PTPRD: variants seen among roughly 807,000 people sequenced by gnomAD.
The protein encoded by PTPRD is receptor-type tyrosine-protein phosphatase delta.
In PTPRD, 34 loss-of-function variants were observed where a neutral mutation model predicts 214.5. The ratio of observed to expected loss-of-function variants is 0.16; its 90% CI spans 0.12 to 0.21. The LOEUF (loss-of-function observed/expected upper bound fraction) is 0.21, where lower values mean the gene tolerates loss of function less well. Ranked by LOEUF, PTPRD falls within the 10% of genes least tolerant of loss-of-function variation. The pLI, the probability that PTPRD is intolerant of heterozygous loss-of-function variation, is 1.00. For missense variants in PTPRD, 2,545 were observed against 2,398.7 expected (o/e 1.06, Z -1.27); for synonymous variants, 1,128 against 845.7 (o/e 1.33, Z -5.79).
At chr9:9,979,474 T>C (rs2095468957) in intron 4 of PTPRD, among the ~76,000 whole-genome samples, 1 of 152,022 alleles carries the variant, frequency 6.6e-6, no homozygotes, top group South Asian at 2.1e-4. Context: ...TCAATAAATA[T>C]ACTCTTATTT....
At chr9:8,415,762 T>C (rs10815860) in intron 35 of PTPRD, among the ~76,000 whole-genome samples, 47,250 of 151,906 alleles carry the variant, frequency 0.31, 7,674 homozygotes, top group Non-Finnish European at 0.36. Context: ...GGGAGGACGA[T>C]GACCATGAAA....
At chr9:10,227,202 T>A (rs16925554) in intron 3 of PTPRD, among the ~76,000 whole-genome samples, 2 of 151,940 alleles carry the variant, frequency 1.3e-5, no homozygotes, top group Non-Finnish European at 2.9e-5. Flanking sequence ...TTACTATTAC[T>A]GTCATCTCCG....
At chr9:10,409,818 C>G (rs951181579) in intron 2 of PTPRD, among the ~76,000 whole-genome samples, 12 of 151,636 alleles carry the variant, frequency 7.9e-5, no homozygotes, top group African/African-American at 2.7e-4. Context: ...GATCTAAGGC[C>G]TCTTACTAAC....
At chr9:8,745,839 C>A (rs1335840975) in intron 11 of PTPRD, among the ~76,000 whole-genome samples, 1 of 151,386 alleles carries the variant, frequency 6.6e-6, no homozygotes, top group Non-Finnish European at 1.5e-5. Context: ...GTTCTGTCGC[C>A]CAGGCTGGAG....
intron 3 of PTPRD, among the ~76,000 whole-genome samples, chr9:10,258,447 G>A (rs1433212421): frequency 4.6e-5 from 7 of 152,118 alleles, no homozygotes; most frequent in South Asian, 2.1e-4. Flanking sequence ...ATAATATCTC[G>A]GAGTGCTGAC....
chr9:8,581,179 C>T (rs2093041936), intron 14 of PTPRD, among the ~76,000 whole-genome samples: 1 of 151,252 alleles, frequency 6.6e-6, no homozygotes, highest in Non-Finnish European at 1.5e-5. Flanking sequence ...GCTGTAGATG[C>T]CTTAGGAATA....
intron 3 of PTPRD, among the ~76,000 whole-genome samples, chr9:10,049,611 A>G (rs911445370): frequency 6.6e-6 from 1 of 152,192 alleles, no homozygotes; most frequent in Non-Finnish European, 1.5e-5. Context: ...TTAATTTGCT[A>G]TATATACTAT....
At chr9:10,147,175 G>T (rs1423282282) in intron 3 of PTPRD, among the ~76,000 whole-genome samples, 1 of 152,104 alleles carries the variant, frequency 6.6e-6, no homozygotes, top group African/African-American at 2.4e-5. Flanking sequence ...TGTTGTCCGT[G>T]CAGTGCAAAG....
intron 2 of PTPRD, among the ~76,000 whole-genome samples, chr9:10,421,078 A>G (rs1443620671): frequency 1.3e-5 from 2 of 151,922 alleles, no homozygotes; most frequent in South Asian, 4.1e-4. Context: ...GCTTAAAAAA[A>G]GAAAAGCAAA....
chr9:10,273,223 T>A (rs1450642488), intron 3 of PTPRD, among the ~76,000 whole-genome samples: 1 of 152,140 alleles, frequency 6.6e-6, no homozygotes, highest in East Asian at 1.9e-4. Flanking sequence ...TTAGACCAAA[T>A]ATAGTTCTAG....
At chr9:8,461,069 G>A (rs1196590022) in intron 32 of PTPRD, among the ~76,000 whole-genome samples, 1 of 151,888 alleles carries the variant, frequency 6.6e-6, no homozygotes, top group African/African-American at 2.4e-5. Flanking sequence ...TGTGAATATC[G>A]GTAGTCATTA....
At chr9:8,526,850 G>C (rs941043351) in intron 16 of PTPRD, among the ~76,000 whole-genome samples, 5 of 152,096 alleles carry the variant, frequency 3.3e-5, no homozygotes, top group African/African-American at 1.2e-4. Context: ...TTATACCACA[G>C]AGGGTAAAGA....
intron 39 of PTPRD, among the ~76,000 whole-genome samples, chr9:8,352,051 A>C (rs2075644376): frequency 6.7e-6 from 1 of 148,932 alleles, no homozygotes; most frequent in Non-Finnish European, 1.5e-5. Context: ...CGTCTCGAGA[A>C]AGAAAAAAAA....
At chr9:9,608,551 C>T (rs577163721) in intron 7 of PTPRD, among the ~76,000 whole-genome samples, 1 of 152,262 alleles carries the variant, frequency 6.6e-6, no homozygotes, top group South Asian at 2.1e-4. Flanking sequence ...ATTGGCCCCA[C>T]CTCTAACCAA....
chr9:9,996,181 T>C (rs2096116024), intron 4 of PTPRD, among the ~76,000 whole-genome samples: 1 of 152,196 alleles, frequency 6.6e-6, no homozygotes, highest in East Asian at 1.9e-4. Context: ...GAAGGACTGA[T>C]ATCCTTATAT....
chr9:9,525,755 C>G (rs1345079151), intron 8 of PTPRD, among the ~76,000 whole-genome samples: 5 of 150,974 alleles, frequency 3.3e-5, no homozygotes, highest in African/African-American at 2.4e-5. Flanking sequence ...GTTTGAAAAC[C>G]TTTTATATAC....
At chr9:9,897,133 C>T (rs866391198) in intron 5 of PTPRD, among the ~76,000 whole-genome samples, 2,146 of 21,112 alleles carry the variant, frequency 0.1, 58 homozygotes, top group African/African-American at 0.18. Context: ...CTTACACTTA[C>T]ACACACACAC....
At chr9:8,640,196 T>C (rs2096542379) in intron 12 of PTPRD, among the ~76,000 whole-genome samples, 2 of 152,098 alleles carry the variant, frequency 1.3e-5, no homozygotes, top group South Asian at 4.1e-4. Context: ...TACAAAGTGC[T>C]GGAATTACAA....
Position 8,836,962 on chromosome 9 carries a change from C to T in PTPRD, c.-103-103016G>A, listed in dbSNP as rs546878861. 2.7e-3 allele frequency among the ~76,000 whole-genome samples: 409 copies of T among 151,670 alleles called. 2 individuals are homozygous for T. The highest frequency in any genetic ancestry group is 9.7e-3 in the African/African-American group (400 of 41,340). ...ACCCCCCAATACCTACCATTAATAA[C>T]CCACCCATCCCCCCACCATTTGGGG... is the stretch of plus-strand genomic sequence containing the variant. On this transcript the variant is annotated intron_variant, in intron 11 of 45. Coordinates refer to ENST00000381196, the MANE Select transcript of PTPRD (RefSeq NM_002839.4).
Sources: gnomAD v4.1 joint callset for allele counts (sites outside exome capture counted in the v4.1 genomes callset) on GRCh38, gnomAD v4.1.1 for gene constraint, MANE v1.5 for transcripts, NCBI Gene and HGNC (gene_info 2026-07-23, HGNC 2026-07-21) for gene names.